Variants in GIGYF2 observed in about 807,000 individuals in gnomAD.
The protein encoded by GIGYF2 is GRB10 interacting GYF protein 2.
A neutral mutation model predicts 208.1 loss-of-function variants in GIGYF2; 25 were observed. The ratio of observed to expected loss-of-function variants is 0.12; its 90% CI spans 0.09 to 0.17. The LOEUF (loss-of-function observed/expected upper bound fraction) is 0.17, where lower values mean the gene tolerates loss of function less well. Ranked by LOEUF, GIGYF2 falls within the 10% of genes least tolerant of loss-of-function variation. The pLI is 1.00. For synonymous variants in GIGYF2, 534 were observed against 543.8 expected (o/e 0.98, Z 0.25); for missense variants, 1,302 against 1,579.4 (o/e 0.82, Z 2.98).
intron 12 of GIGYF2, among the ~76,000 whole-genome samples, chr2:232,792,607 C>T (rs77725136): frequency 0.022 from 3,281 of 152,198 alleles, 124 homozygotes; most frequent in African/African-American, 0.075. Flanking sequence ...AAAAATGAGA[C>T]AGGGCCTCAC....
intron 2 of GIGYF2, chr2:232,730,207 C>A: frequency 7.7e-7 from 1 of 1,302,916 alleles, no homozygotes; most frequent in Middle Eastern, 2.5e-4. Flanking sequence ...ATGGCATCAG[C>A]TGTACCTGAG....
At chr2:232,809,620 GTC>G (rs1700670717) in intron 15 of GIGYF2, 98 bp from the exon 16 acceptor site, 2 of 768,620 alleles carry the variant, frequency 2.6e-6, no homozygotes, top group East Asian at 5.0e-5. Flanking sequence ...GGAGGTAAAG[GTC>G]TTAGATTCAT....
At chr2:232,827,770 A>G (rs1399482963) in intron 21 of GIGYF2, among the ~76,000 whole-genome samples, 1 of 152,192 alleles carries the variant, frequency 6.6e-6, no homozygotes, top group African/African-American at 2.4e-5. Flanking sequence ...AAAAATTTAG[A>G]TAATAAATTT....
chr2:232,735,107 C>A, intron 2 of GIGYF2, 48 bp from the exon 3 acceptor site: 1 of 860,160 alleles, frequency 1.2e-6, no homozygotes, highest in Non-Finnish European at 2.0e-6. Context: ...CCTGGAATTC[C>A]ACATTTAATC....
Position 232,858,613 on chromosome 2 carries a change from T to G in GIGYF2, c.*1753T>G, listed in dbSNP as rs1690662801. On this transcript the variant is annotated 3_prime_UTR_variant, in exon 29 of 29. Coordinates refer to ENST00000373563, the MANE Select transcript of GIGYF2 (RefSeq NM_001103146.3). ...AAAATAAAAAAGAACTTAAATAAAA[T>G]CTGATTGTATTCTATCTGAGTGCAC... 2 of 453,940 alleles carry G rather than the reference T, an allele frequency of 4.4e-6. No homozygotes were observed. The highest frequency in any genetic ancestry group is 3.1e-5 in the South Asian group (2 of 64,330). 28.1% of individuals were successfully genotyped at this position (453,940 alleles called of 1,614,324 possible).
chr2:232,785,029 A>G (rs1699865909), intron 8 of GIGYF2, among the ~76,000 whole-genome samples: 1 of 151,858 alleles, frequency 6.6e-6, no homozygotes, highest in South Asian at 2.1e-4. Flanking sequence ...AGCCAGACAG[A>G]TGCTGGTGCC....
chr2:232,702,470 A>G (rs547068722), intron 1 of GIGYF2, among the ~76,000 whole-genome samples: 1 of 151,808 alleles, frequency 6.6e-6, no homozygotes, highest in East Asian at 1.9e-4. Context: ...ATCTGTCTCT[A>G]TCTAGTTGCT....
At chr2:232,817,160 C>T in intron 20 of GIGYF2, 128 bp downstream of exon 20, 1 of 786,594 alleles carries the variant, frequency 1.3e-6, no homozygotes, top group South Asian at 1.4e-5. Flanking sequence ...AAGACTCACT[C>T]ACCTTTGGAA....
At chr2:232,777,080 G>C (rs942424563) in intron 8 of GIGYF2, among the ~76,000 whole-genome samples, 41 of 151,750 alleles carry the variant, frequency 2.7e-4, no homozygotes, top group Non-Finnish European at 7.4e-5. Flanking sequence ...AGATAATTAC[G>C]TGAAATCTTT....
intron 14 of GIGYF2, among the ~76,000 whole-genome samples, chr2:232,797,489 T>TTGTGTGTGTGTGTGTGTGTG (rs67221198): frequency 5.5e-5 from 8 of 145,086 alleles, no homozygotes; most frequent in African/African-American, 2.1e-4. Flanking sequence ...AGAGCAGGGC[T>TTGTGTGTGTGTGTGTGTGTG]TGTGTGTGTG....
chr2:232,750,041 C>T lies in GIGYF2; in HGVS notation c.267+959C>T, dbSNP rs577383421. Among the ~76,000 whole-genome samples, 264 of 152,024 alleles carry T rather than the reference C, an allele frequency of 1.7e-3. 1 individual carries two copies. Among genetic ancestry groups the T allele is most frequent in the Non-Finnish European group, 2.5e-3 (171 of 67,972 alleles). On this transcript the variant is annotated intron_variant, in intron 5 of 28. Transcript: ENST00000373563. ...CTCTACTAAAAATAAAAAAATTAGC[C>T]GAGCATGGTGACACACGGTTGTAAT...
At chr2:232,765,694 C>T (rs1228862596) in intron 8 of GIGYF2, 3 of 208,354 alleles carry the variant, frequency 1.4e-5, no homozygotes, top group Non-Finnish European at 3.0e-5. Context: ...CCATATGATA[C>T]CGGTTCACTC....
chr2:232,796,046 G>A lies in GIGYF2; in HGVS notation c.1480-16G>A, dbSNP rs1187187580. 6.3e-7 allele frequency: 1 copy of A among 1,597,384 alleles called. No individual in the cohort carries two copies. Among genetic ancestry groups the A allele is most frequent in the Non-Finnish European group, 8.6e-7 (1 of 1,164,896 alleles). ...AGGATCATTTGTTTCCTTGATTTTTGTTTTTCTGTTACTAGCAAGCTGAGA... is the reference window on the plus strand; with the variant it reads ...AGGATCATTTGTTTCCTTGATTTTTATTTTTCTGTTACTAGCAAGCTGAGA... On this transcript the variant is annotated splice_polypyrimidine_tract_variant and intron_variant, in intron 13 of 28. Transcript: ENST00000373563.
At chr2:232,779,685 G>C (rs1238338297) in intron 8 of GIGYF2, among the ~76,000 whole-genome samples, 2 of 152,212 alleles carry the variant, frequency 1.3e-5, no homozygotes, top group Non-Finnish European at 2.9e-5. Flanking sequence ...TACATATTCA[G>C]ATGGCCTGAG....
chr2:232,711,473 A>G (rs896279257), intron 2 of GIGYF2, among the ~76,000 whole-genome samples: 6 of 151,576 alleles, frequency 4.0e-5, no homozygotes, highest in African/African-American at 1.5e-4. Flanking sequence ...TTTATTTAAA[A>G]ATAACAAACT....
Position 232,756,238 on chromosome 2 carries a change from T to A in GIGYF2, c.283T>A (p.Ser95Thr). The change falls in exon 6 of 29, where the codon TCT becomes ACT. Residue 95 changes from serine (S) to threonine (T), a missense_variant. This residue lies in a region of GIGYF2 where 189 missense variants were observed against 257.7 expected (regional missense o/e 0.73). Coordinates refer to ENST00000373563, the MANE Select transcript of GIGYF2 (RefSeq NM_001103146.3). ...TEEEQRNFSM[S>T]VNSAAVLRLT... is the part of the protein sequence containing the mutation. Reference sequence around the variant, plus strand: ...TTTTTGGCAGAGAAACTTTTCCATGTCTGTAAATAGTGCTGCTGTCCTGCG... The same window carrying A: ...TTTTTGGCAGAGAAACTTTTCCATGACTGTAAATAGTGCTGCTGTCCTGCG... 6.6e-7 allele frequency: 1 copy of A among 1,522,350 alleles called. No homozygotes were observed. The highest frequency in any genetic ancestry group is 9.0e-7 in the Non-Finnish European group (1 of 1,112,784). 94.3% of individuals were successfully genotyped at this position (1,522,350 alleles called of 1,614,324 possible).
chr2:232,825,005 G>A (rs570483284), intron 21 of GIGYF2, among the ~76,000 whole-genome samples: 9 of 152,352 alleles, frequency 5.9e-5, no homozygotes, highest in African/African-American at 2.2e-4. Context: ...TCTGTTTACA[G>A]TGTGGTATAT....
At chr2:232,800,258 T>G (rs1215103284) in intron 14 of GIGYF2, among the ~76,000 whole-genome samples, 1 of 152,238 alleles carries the variant, frequency 6.6e-6, no homozygotes. Flanking sequence ...TTTTACAGAT[T>G]TAGGTCATGC....
chr2:232,746,024 A>C (rs1334557412), intron 3 of GIGYF2, among the ~76,000 whole-genome samples: 1 of 152,148 alleles, frequency 6.6e-6, no homozygotes, highest in Admixed American at 6.5e-5. Context: ...TCGAGAGGCC[A>C]AGGTGGGAGG....
Sources: gnomAD v4.1 joint callset for allele counts (sites outside exome capture counted in the v4.1 genomes callset) on GRCh38, gnomAD v4.1.1 for gene constraint, gnomAD v4.1.1 regional missense constraint, MANE v1.5 for transcripts, NCBI Gene and HGNC (gene_info 2026-07-23, HGNC 2026-07-21) for gene names.